Variants in FREM2 observed in about 807,000 individuals in gnomAD.
The protein encoded by FREM2 is FRAS1-related extracellular matrix protein 2.
FREM2 carries 119 observed loss-of-function variants against 219.9 expected under a neutral mutation model. The observed-to-expected ratio is 0.54, with a 90% CI of 0.47 to 0.63. The LOEUF (loss-of-function observed/expected upper bound fraction) is 0.63, where lower values mean the gene tolerates loss of function less well. Ranked by LOEUF, FREM2 falls within the 30% of genes least tolerant of loss-of-function variation. The pLI is 0.00. For synonymous variants in FREM2, 1,562 were observed against 1,522.8 expected (o/e 1.03, Z -0.60); for missense variants, 4,030 against 3,993.6 (o/e 1.01, Z -0.25).
Position 38,688,368 on chromosome 13 carries a change from A to C in FREM2, c.1024A>C (p.Met342Leu). 1.2e-6 allele frequency: 2 copies of C among 1,614,162 alleles called. No individual in the cohort carries two copies. The change falls in exon 1 of 24, where the codon ATG becomes CTG. Residue 342 changes from methionine to leucine, a missense_variant. Around this residue, in one of 2 missense-constraint regions of FREM2, gnomAD observed 3,102 missense variants for 2,950.7 expected, o/e 1.05. Transcript: ENST00000280481. ...QFVLTALTPD[M>L]LAAEDAESPS... The stretch of plus-strand genomic sequence containing the variant: ...TGTACTGACGGCCCTGACCCCAGAC[A>C]TGCTGGCAGCCGAGGATGCTGAGTC...
rs555402630 is a variant in FREM2, at chr13:38,880,740, C to T, written c.9463C>T (p.Pro3155Ser). 7.4e-6 allele frequency: 12 copies of T among 1,614,102 alleles called. No individual in the cohort carries two copies. The Admixed American group carries it at 1.8e-4, about 25-fold the overall frequency. Residue 3155 changes from proline (P) to serine (S), a missense_variant, in exon 24 of 24, where the codon CCC becomes TCC. This residue lies in a region of FREM2 where 928 missense variants were observed against 1,042.9 expected (regional missense o/e 0.89). Transcript: ENST00000280481. ...CCCGAAAGGCTCCAGCAGCAGTGAG[C>T]CCATGGTGCCCCCACAGAGCCATCA... ...DAPKGSSSSE[P>S]MVPPQSHHND...
intron 6 of FREM2, among the ~76,000 whole-genome samples, chr13:38,809,489 T>A (rs895998941): frequency 7.2e-5 from 11 of 151,974 alleles, no homozygotes; most frequent in African/African-American, 2.7e-4. Context: ...AATCCATTTT[T>A]ATTTGATGTT....
At chr13:38,698,199 A>G (rs1004486606) in intron 2 of FREM2, among the ~76,000 whole-genome samples, 1 of 152,170 alleles carries the variant, frequency 6.6e-6, no homozygotes, top group Admixed American at 6.6e-5. Flanking sequence ...TGATTTGCTC[A>G]TGGGTTCTGT....
chr13:38,789,943 T>G (rs1874493414), intron 6 of FREM2, among the ~76,000 whole-genome samples: 1 of 152,146 alleles, frequency 6.6e-6, no homozygotes, highest in Non-Finnish European at 1.5e-5. Context: ...CATATAATAA[T>G]TTTGTCTTAT....
intron 6 of FREM2, 107 bp from the exon 7 acceptor site, chr13:38,846,466 T>C (rs761384464): frequency 1.2e-5 from 14 of 1,133,780 alleles, no homozygotes; most frequent in Non-Finnish European, 1.7e-5. Context: ...TATGATGATA[T>C]AAGGAAGTCC....
intron 1 of FREM2, among the ~76,000 whole-genome samples, chr13:38,695,045 T>C (rs960164887): frequency 2.6e-5 from 4 of 152,186 alleles, no homozygotes; most frequent in Admixed American, 1.3e-4. Flanking sequence ...TAAACTGAAA[T>C]AAATTTAATG....
At chr13:38,769,336 A>C (rs143136331) in intron 3 of FREM2, among the ~76,000 whole-genome samples, 1 of 152,190 alleles carries the variant, frequency 6.6e-6, no homozygotes, top group Non-Finnish European at 1.5e-5. Context: ...ATCCAAATGT[A>C]GCTTAAAGCA....
chr13:38,747,462 GGTGA>G (rs776300304), intron 2 of FREM2, among the ~76,000 whole-genome samples: 9 of 146,078 alleles, frequency 6.2e-5, no homozygotes, highest in Admixed American at 2.7e-4. Flanking sequence ...CAGAGTGCCT[GGTGA>G]GTGTGTATAT....
intron 6 of FREM2, among the ~76,000 whole-genome samples, chr13:38,843,345 T>G (rs980295647): frequency 1.3e-5 from 2 of 152,120 alleles, no homozygotes; most frequent in Non-Finnish European, 2.9e-5. Flanking sequence ...GCTTCTAGTT[T>G]ACTTCAAATT....
chr13:38,816,366 T>A lies in FREM2; in HGVS notation c.6020-30207T>A, dbSNP rs375928112. 8.8e-4 allele frequency among the ~76,000 whole-genome samples: 134 copies of A among 152,280 alleles called. 1 individual carries two copies. The highest frequency in any genetic ancestry group is 3.2e-3 in the African/African-American group (133 of 41,558). ...CTAGCAAACTGAATCCAACAGCATATTAAACAAATCATTCACTGTGGTCAA... is the reference window on the plus strand; with the variant it reads ...CTAGCAAACTGAATCCAACAGCATAATAAACAAATCATTCACTGTGGTCAA... On this transcript the variant is annotated intron_variant, in intron 6 of 23. Coordinates refer to ENST00000280481, the MANE Select transcript of FREM2 (RefSeq NM_207361.6).
At chr13:38,849,987 G>T in intron 8 of FREM2, 51 bp from the exon 9 acceptor site, 1 of 1,442,200 alleles carries the variant, frequency 6.9e-7, no homozygotes. Context: ...CTTCTGAAAT[G>T]CCATTTTCCA....
chr13:38,822,366 T>TG (rs1555269931), intron 6 of FREM2, among the ~76,000 whole-genome samples: 1,773 of 146,762 alleles, frequency 0.012, 20 homozygotes, highest in African/African-American at 0.044. Context: ...TTTTTTTTTT[T>TG]TTTTTAAGAA....
chr13:38,794,308 G>A (rs1874682265), intron 6 of FREM2, among the ~76,000 whole-genome samples: 1 of 152,162 alleles, frequency 6.6e-6, no homozygotes. Flanking sequence ...CAAAGAAGGT[G>A]CTAAAAAGAA....
Position 38,803,001 on chromosome 13 carries a change from TTC to T in FREM2, c.6019+18197_6019+18198del, listed in dbSNP as rs145479067. ...CTTTGCTTTTGGTGCTTCCCATTGCTTCTCTGTTGAATCCCAATATGGTCCCT... is the reference window on the plus strand; with the variant it reads ...CTTTGCTTTTGGTGCTTCCCATTGCTTCTGTTGAATCCCAATATGGTCCCT... On this transcript the variant is annotated intron_variant, in intron 6 of 23. Transcript: ENST00000280481. Among the ~76,000 whole-genome samples the T allele has an allele frequency of 2.1e-3, 327 of 152,274 alleles. 5 individuals are homozygous for T. In the East Asian group the frequency reaches 0.056, roughly 26 times the overall value.
chr13:38,779,269 C>G (rs986020460), intron 4 of FREM2, among the ~76,000 whole-genome samples: 3 of 151,976 alleles, frequency 2.0e-5, no homozygotes, highest in Non-Finnish European at 2.9e-5. Context: ...GGACAAATAC[C>G]TAATGCATGC....
At chr13:38,851,961 T>C in intron 11 of FREM2, 93 bp downstream of exon 11, 2 of 1,198,240 alleles carry the variant, frequency 1.7e-6, no homozygotes, top group East Asian at 2.4e-5. Flanking sequence ...AAACATCCAA[T>C]TGAAATCAAA....
chr13:38,747,937 T>C (rs1426763591), intron 2 of FREM2, among the ~76,000 whole-genome samples: 1 of 152,186 alleles, frequency 6.6e-6, no homozygotes, highest in Non-Finnish European at 1.5e-5. Context: ...TTAGTAAGCC[T>C]TTAAATCCCT....
Position 38,689,576 on chromosome 13 carries a change from GC to G in FREM2, c.2238del (p.Thr747GlnfsTer17), listed in dbSNP as rs113570727. Reference sequence around the variant, plus strand: ...GAGAACTACGTTACACAGTGACTCAGCCCCCCACAGACACAGACGAAAATCA... The same window carrying G: ...GAGAACTACGTTACACAGTGACTCAGCCCCCACAGACACAGACGAAAATCA... ...DRELRYTVTQ[P>X]PTDTDENHLP... is the part of the protein sequence containing the mutation. On this transcript the variant is annotated frameshift_variant, in exon 1 of 24. Transcript: ENST00000280481. LOFTEE classifies it high-confidence loss of function. 1 of 1,612,578 alleles carries G rather than the reference GC, an allele frequency of 6.2e-7. No homozygotes were observed. The highest frequency in any genetic ancestry group is 2.2e-5 in the East Asian group (1 of 44,834).
intron 9 of FREM2, 105 bp downstream of exon 9, chr13:38,850,340 G>C: frequency 1.1e-6 from 1 of 915,720 alleles, no homozygotes; most frequent in Non-Finnish European, 1.7e-6. Context: ...ACAAGCATAT[G>C]GCATGGTTTT....
Sources: gnomAD v4.1 joint callset for allele counts (sites outside exome capture counted in the v4.1 genomes callset) on GRCh38, gnomAD v4.1.1 for gene constraint, gnomAD v4.1.1 regional missense constraint, MANE v1.5 for transcripts, NCBI Gene and HGNC (gene_info 2026-07-23, HGNC 2026-07-21) for gene names.